FLVCR1: variants seen among roughly 807,000 people sequenced by gnomAD.
The protein encoded by FLVCR1 is FLVCR choline and heme transporter 1, also known as choline/ethanolamine transporter FLVCR1.
A neutral mutation model predicts 53.6 loss-of-function variants in FLVCR1; 34 were observed. The ratio of observed to expected loss-of-function variants is 0.63; its 90% CI spans 0.48 to 0.84. FLVCR1 has a LOEUF of 0.84. Among genes scored for constraint, FLVCR1 ranks in the 40% least tolerant of loss-of-function variants. The pLI is 0.00. For synonymous variants in FLVCR1, 300 were observed against 286.3 expected, an observed-to-expected ratio of 1.05 and a Z score of -0.48; for missense variants, 677 against 696.7, an observed-to-expected ratio of 0.97 and a Z score of 0.32.
At chr1:212,867,920 C>T (rs1664485606) in intron 2 of FLVCR1, among the ~76,000 whole-genome samples, 2 of 151,376 alleles carry the variant, frequency 1.3e-5, no homozygotes, top group Admixed American at 1.3e-4. Context: ...TCTCCTGCCT[C>T]AGCCTCCTGA....
At chr1:212,866,536 G>C (rs529344489) in intron 2 of FLVCR1, among the ~76,000 whole-genome samples, 49 of 151,548 alleles carry the variant, frequency 3.2e-4, no homozygotes, top group Middle Eastern at 3.4e-3. Context: ...GAAAGTAAGA[G>C]ATTGCATGTA....
At chr1:212,864,280 G>T in intron 2 of FLVCR1, 1 of 266,350 alleles carries the variant, frequency 3.8e-6, no homozygotes. Context: ...ATTCTCCCAA[G>T]GCTTTCCAAT....
chr1:212,877,698 T>TTTTG (rs1193684309), intron 3 of FLVCR1, among the ~76,000 whole-genome samples: 1 of 151,362 alleles, frequency 6.6e-6, no homozygotes, highest in Non-Finnish European at 1.5e-5. Flanking sequence ...TTTTTTTTTT[T>TTTTG]TTTTTGCTGT....
chr1:212,882,055 G>C (rs1319444581), intron 3 of FLVCR1, among the ~76,000 whole-genome samples: 8 of 152,184 alleles, frequency 5.3e-5, no homozygotes, highest in Non-Finnish European at 1.2e-4. Flanking sequence ...TGGAGCAGTA[G>C]GAACTCTGCT....
At position 212,889,214 on chromosome 1, in the gene FLVCR1, C is replaced by A. The variant is rs1665130400; in HGVS notation, c.1482C>A (p.Asn494Lys). Residue 494 changes from asparagine to lysine, a missense_variant, in exon 8 of 10, where the codon AAC (asparagine) becomes AAA (lysine). Transcript: ENST00000366971. ...CAGACTATGGTCCTAAGGCAGGGAA[C>A]ATTTTTCTCTGTGTCTGGATGTTTA... Reference protein sequence around the residue: ...LTSDYGPKAGNIFLCVWMFIG... With the variant: ...LTSDYGPKAGKIFLCVWMFIG... The A allele has an allele frequency of 3.1e-6, 5 of 1,613,854 alleles. No homozygotes were observed.
Position 212,883,399 on chromosome 1 carries a change from C to A in FLVCR1, c.1053C>A (p.Val351=). Residue 351 remains valine (V), a synonymous_variant, in exon 4 of 10, where the codon GTC becomes GTA. Transcript: ENST00000366971. ...YGIMTGAFYS[V]STLLNQMILT... ...TCATGACTGGTGCCTTTTATTCAGT[C>A]TCAACGTTATTAAATCAAATGATAT... The A allele has an allele frequency of 6.3e-7, 1 of 1,580,350 alleles. No individual in the cohort carries two copies.
chr1:212,895,243 G>A lies in FLVCR1; in HGVS notation c.1621G>A (p.Glu541Lys). 6.2e-7 allele frequency: 1 copy of A among 1,613,434 alleles called. No homozygotes were observed. The highest frequency in any genetic ancestry group is 1.1e-5 in the South Asian group (1 of 91,056). ...AIPADSPTDQ[E>K]PKTVMLSKQS... ...ACCAGCTGACAGTCCCACAGACCAA[G>A]AACCAAAAACGGTTATGTTGTCCAA... Residue 541 changes from glutamate (E) to lysine (K), a missense_variant, in exon 10 of 10, where the codon GAA becomes AAA. Physicochemically the swap from Glu to Lys is moderately conservative, Grantham distance 56. Coordinates refer to ENST00000366971, the MANE Select transcript of FLVCR1 (RefSeq NM_014053.4).
intron 3 of FLVCR1, among the ~76,000 whole-genome samples, chr1:212,879,645 TC>T (rs1175541489): frequency 6.6e-6 from 1 of 152,128 alleles, no homozygotes; most frequent in African/African-American, 2.4e-5. Context: ...AGCCTTCACC[TC>T]CTGGGTTCAA....
intron 8 of FLVCR1, among the ~76,000 whole-genome samples, chr1:212,894,638 CT>C (rs971922455): frequency 6.6e-6 from 1 of 152,036 alleles, no homozygotes; most frequent in South Asian, 2.1e-4. Flanking sequence ...CTGACATAGA[CT>C]TTTTTTGCTC....
At chr1:212,867,133 TAAATTGATACTC>T (rs1475681985) in intron 2 of FLVCR1, among the ~76,000 whole-genome samples, 2 of 152,256 alleles carry the variant, frequency 1.3e-5, no homozygotes, top group African/African-American at 4.8e-5. Context: ...TGACATGTAC[TAAATTGATACTC>T]AGCAGTCTGC....
At chr1:212,886,087 G>C (rs1665058083) in intron 5 of FLVCR1, among the ~76,000 whole-genome samples, 2 of 133,860 alleles carry the variant, frequency 1.5e-5, no homozygotes, top group Admixed American at 1.8e-4. Context: ...TGTCACCCAG[G>C]CTGGAGTGCA....
intron 3 of FLVCR1, among the ~76,000 whole-genome samples, chr1:212,882,150 G>C (rs1357357834): frequency 6.6e-6 from 1 of 152,294 alleles, no homozygotes; most frequent in African/African-American, 2.4e-5. Flanking sequence ...TATATACTTA[G>C]AGAAGCTCTT....
At chr1:212,878,487 C>G (rs898423651) in intron 3 of FLVCR1, among the ~76,000 whole-genome samples, 1 of 144,006 alleles carries the variant, frequency 6.9e-6, no homozygotes, top group African/African-American at 2.6e-5. Context: ...GAGCTGAGAT[C>G]GCACCACTGC....
Position 212,895,229 on chromosome 1 carries a change from G to A in FLVCR1, c.1607G>A (p.Ser536Asn), listed in dbSNP as rs377365978. The change falls in exon 10 of 10, where the codon AGT (serine) becomes AAT (asparagine). Residue 536 changes from serine (S) to asparagine (N), a missense_variant. Ser to Asn is a conservative substitution (Grantham distance 46). Transcript: ENST00000366971. ...NVDVKAIPAD[S>N]PTDQEPKTVM... ...TTGTTTTTATAGATACCAGCTGACA[G>A]TCCCACAGACCAAGAACCAAAAACG... 1.2e-6 allele frequency: 2 copies of A among 1,612,502 alleles called. No homozygotes were observed. Among genetic ancestry groups the A allele is most frequent in the African/African-American group, 1.3e-5 (1 of 74,974 alleles).
At chr1:212,886,707 G>A (rs1227769471) in intron 5 of FLVCR1, among the ~76,000 whole-genome samples, 1 of 152,100 alleles carries the variant, frequency 6.6e-6, no homozygotes, top group East Asian at 1.9e-4. Context: ...GGCTAAGGAA[G>A]GAGAATTGCT....
rs1440913542 is a variant in FLVCR1, at chr1:212,859,143, C to A, written c.691C>A (p.Pro231Thr). 4 of 1,613,950 alleles carry A rather than the reference C, an allele frequency of 2.5e-6. No individual in the cohort carries two copies. The highest frequency in any genetic ancestry group is 3.4e-6 in the Non-Finnish European group (4 of 1,180,032). Reference sequence around the variant, plus strand: ...CCGCATCGCCTCAGTGTGGTTTGGGCCCAAAGAGGTGTCCACAGCTTGTGC... The same window carrying A: ...CCGCATCGCCTCAGTGTGGTTTGGGACCAAAGAGGTGTCCACAGCTTGTGC... ...PSRIASVWFGPKEVSTACATA... is the reference protein window; with the variant it reads ...PSRIASVWFGTKEVSTACATA... The change falls in exon 1 of 10, where the codon CCC becomes ACC. Residue 231 changes from proline to threonine, a missense_variant. Transcript: ENST00000366971.
intron 8 of FLVCR1, among the ~76,000 whole-genome samples, chr1:212,893,880 A>C (rs1389667981): frequency 6.6e-6 from 1 of 152,122 alleles, no homozygotes; most frequent in African/African-American, 2.4e-5. Flanking sequence ...GGTTCAAGTG[A>C]TTCTCCTGCC....
intron 8 of FLVCR1, among the ~76,000 whole-genome samples, chr1:212,891,432 GA>G (rs1170790722): frequency 7.9e-6 from 1 of 125,952 alleles, no homozygotes; most frequent in African/African-American, 2.6e-5. Flanking sequence ...GTGACAAAGT[GA>G]GACTCCGTCT....
chr1:212,868,141 C>T (rs1664495198), intron 2 of FLVCR1, among the ~76,000 whole-genome samples: 1 of 152,196 alleles, frequency 6.6e-6, no homozygotes, highest in African/African-American at 2.4e-5. Context: ...GTCACCCAGG[C>T]TGGAGTGCAG....
Sources: allele counts gnomAD v4.1 joint callset (sites outside exome capture counted in the v4.1 genomes callset), GRCh38; gene constraint gnomAD v4.1.1; transcripts MANE v1.5; gene names NCBI Gene and HGNC (gene_info 2026-07-23, HGNC 2026-07-21).